Variants in GMDS observed in about 807,000 individuals in gnomAD.
The protein encoded by GMDS is GDP-mannose 4,6-dehydratase, also known as GDP-mannose 4,6 dehydratase.
In GMDS, 20 loss-of-function variants were observed where a neutral mutation model predicts 49.9. The ratio of observed to expected loss-of-function variants is 0.40; its 90% CI spans 0.28 to 0.58. GMDS has a LOEUF of 0.58. Among genes scored for constraint, GMDS ranks in the 20% least tolerant of loss-of-function variants. The probability of loss-of-function intolerance (pLI) is 0.42; values close to 1 mark genes in which losing one functional copy is unlikely to be tolerated. For missense variants in GMDS, 362 were observed against 481.4 expected (o/e 0.75, Z 2.32); for synonymous variants, 177 against 178.6 (o/e 0.99, Z 0.07).
chr6:2,225,538 G>C (rs148708276), intron 1 of GMDS, among the ~76,000 whole-genome samples: 25 of 152,274 alleles, frequency 1.6e-4, no homozygotes, highest in African/African-American at 5.8e-4. Context: ...ATTCTGAAGA[G>C]TCCTAGGCTG....
At chr6:2,174,105 G>T (rs1208304742) in intron 1 of GMDS, among the ~76,000 whole-genome samples, 1 of 152,128 alleles carries the variant, frequency 6.6e-6, no homozygotes, top group African/African-American at 2.4e-5. Context: ...TGTGACCTTG[G>T]GCGGTCTCAC....
chr6:1,923,645 G>A lies in GMDS; in HGVS notation c.771+6458C>T, dbSNP rs938341296. Reference sequence around the variant, plus strand: ...GGATCCCGCACTCGCTCACTCACGCGCTCCCTCCTACAAGCGGTTGAGCAT... The same window carrying A: ...GGATCCCGCACTCGCTCACTCACGCACTCCCTCCTACAAGCGGTTGAGCAT... On this transcript the variant is annotated intron_variant, in intron 7 of 10. Transcript: ENST00000380815. 4.6e-5 allele frequency among the ~76,000 whole-genome samples: 7 copies of A among 152,198 alleles called. No homozygotes were observed. In the South Asian group the frequency reaches 6.2e-4, roughly 14 times the overall value.
intron 4 of GMDS, among the ~76,000 whole-genome samples, chr6:1,973,850 C>T (rs34843014): frequency 0.12 from 18,282 of 152,100 alleles, 1,477 homozygotes; most frequent in Non-Finnish European, 0.18. Flanking sequence ...ATGACTGAGA[C>T]GCCACAACAT....
intron 1 of GMDS, among the ~76,000 whole-genome samples, chr6:2,197,933 C>T (rs760291525): frequency 3.3e-5 from 5 of 152,204 alleles, no homozygotes; most frequent in Admixed American, 2.0e-4. Context: ...GTGGAGGATG[C>T]GTGCATTAGA....
chr6:1,918,970 T>C (rs1302976885), intron 7 of GMDS, among the ~76,000 whole-genome samples: 1 of 152,188 alleles, frequency 6.6e-6, no homozygotes, highest in Non-Finnish European at 1.5e-5. Context: ...AAGATCATAT[T>C]CTGGGGGCAA....
At chr6:2,106,304 T>TTG (rs772586308) in intron 4 of GMDS, among the ~76,000 whole-genome samples, 2 of 152,216 alleles carry the variant, frequency 1.3e-5, no homozygotes. Flanking sequence ...TTTTTTGAAC[T>TTG]AGAAAAGATT....
intron 7 of GMDS, among the ~76,000 whole-genome samples, chr6:1,874,923 C>T (rs571697650): frequency 1.3e-5 from 2 of 152,214 alleles, no homozygotes; most frequent in African/African-American, 4.8e-5. Context: ...GAAAAAACCC[C>T]AATGTTTGGA....
chr6:1,706,112 G>A (rs1765726853), intron 9 of GMDS, among the ~76,000 whole-genome samples: 1 of 152,196 alleles, frequency 6.6e-6, no homozygotes, highest in Non-Finnish European at 1.5e-5. Context: ...AATTGTTGGG[G>A]CAATGAATGA....
At chr6:1,676,902 C>CAATG (rs1332655433) in intron 9 of GMDS, among the ~76,000 whole-genome samples, 1 of 152,172 alleles carries the variant, frequency 6.6e-6, no homozygotes, top group African/African-American at 2.4e-5. Context: ...ACACCAAAAG[C>CAATG]AATGGCAACA....
chr6:1,704,863 C>T (rs570315295), intron 9 of GMDS, among the ~76,000 whole-genome samples: 5 of 101,592 alleles, frequency 4.9e-5, no homozygotes, highest in African/African-American at 1.7e-4. Context: ...GAGAGGGGGG[C>T]GGGGGTGAGG....
chr6:2,000,017 A>G (rs111278513), intron 4 of GMDS, among the ~76,000 whole-genome samples: 8 of 29,198 alleles, frequency 2.7e-4, no homozygotes, highest in African/African-American at 1.1e-3. Flanking sequence ...TATTTTTTAT[A>G]TATATATATA....
chr6:1,955,334 T>C (rs1235748166), intron 6 of GMDS, among the ~76,000 whole-genome samples: 1 of 152,200 alleles, frequency 6.6e-6, no homozygotes, highest in Non-Finnish European at 1.5e-5. Flanking sequence ...TGCCTACTTT[T>C]TTATTTTAAA....
At chr6:1,786,609 C>T (rs1731997090) in intron 7 of GMDS, among the ~76,000 whole-genome samples, 1 of 152,182 alleles carries the variant, frequency 6.6e-6, no homozygotes, top group South Asian at 2.1e-4. Context: ...TGGCGCTGGG[C>T]AGTCTCCTCC....
At chr6:2,061,714 G>A (rs535711851) in intron 4 of GMDS, among the ~76,000 whole-genome samples, 1,258 of 80,402 alleles carry the variant, frequency 0.016, 6 homozygotes, top group Non-Finnish European at 0.021. Context: ...GCAAGACTCT[G>A]TCTCAAAAAA....
At chr6:1,989,362 G>A (rs1434200247) in intron 4 of GMDS, among the ~76,000 whole-genome samples, 1 of 152,100 alleles carries the variant, frequency 6.6e-6, no homozygotes, top group South Asian at 2.1e-4. Flanking sequence ...GAACAGCTAG[G>A]CTGGTATGTG....
At chr6:1,870,781 G>A (rs575099200) in intron 7 of GMDS, among the ~76,000 whole-genome samples, 1 of 152,078 alleles carries the variant, frequency 6.6e-6, no homozygotes, top group South Asian at 2.1e-4. Context: ...ATTAAATTAA[G>A]CCATATTAAG....
intron 1 of GMDS, among the ~76,000 whole-genome samples, chr6:2,127,586 C>CA (rs927531564): frequency 2.0e-5 from 3 of 152,222 alleles, no homozygotes; most frequent in African/African-American, 7.2e-5. Context: ...CATTCTGAAC[C>CA]AGTAGTGGCA....
chr6:1,943,385 T>C (rs962169727), intron 6 of GMDS, among the ~76,000 whole-genome samples: 1 of 152,210 alleles, frequency 6.6e-6, no homozygotes, highest in Admixed American at 6.5e-5. Flanking sequence ...AATCTTCAGT[T>C]TACTCACCTC....
chr6:1,803,764 T>C (rs1225340383), intron 7 of GMDS, among the ~76,000 whole-genome samples: 1 of 152,118 alleles, frequency 6.6e-6, no homozygotes, highest in Non-Finnish European at 1.5e-5. Flanking sequence ...ACAAGATTGT[T>C]TGGGCCTCTA....
Sources: allele counts gnomAD v4.1 joint callset (sites outside exome capture counted in the v4.1 genomes callset), GRCh38; gene constraint gnomAD v4.1.1; transcripts MANE v1.5; gene names NCBI Gene and HGNC (gene_info 2026-07-23, HGNC 2026-07-21).